Variants in HAUS6 observed in about 807,000 individuals in gnomAD.
HAUS6 encodes HAUS augmin-like complex subunit 6.
HAUS6 carries 80 observed loss-of-function variants against 106.8 expected under a neutral mutation model. That is an observed-to-expected ratio of 0.75 (90% CI 0.63 to 0.90). HAUS6 has a LOEUF of 0.90. HAUS6 is among the 40% of genes least tolerant of loss of function. The pLI is 0.00. For synonymous variants in HAUS6, 356 were observed against 379.1 expected (o/e 0.94, Z 0.71); for missense variants, 1,155 against 1,118.1 (o/e 1.03, Z -0.47).
At chr9:19,071,991 GT>G (rs1236039835) in intron 11 of HAUS6, among the ~76,000 whole-genome samples, 5 of 151,606 alleles carry the variant, frequency 3.3e-5, no homozygotes, top group African/African-American at 1.2e-4. Flanking sequence ...ATCACCTAAG[GT>G]CAGGAGTTTG....
In HAUS6 at chr9:19,058,700, C is replaced by G; in HGVS notation, c.2067G>C (p.Lys689Asn). 1.2e-6 allele frequency: 2 copies of G among 1,613,674 alleles called. No individual in the cohort carries two copies. Among genetic ancestry groups the G allele is most frequent in the African/African-American group, 2.7e-5 (2 of 74,986 alleles). ...CCAAATCTTGCTTGCAAATTACTTTCTTATTTAACAAATCTGACTGATTTT... is the reference window on the plus strand; with the variant it reads ...CCAAATCTTGCTTGCAAATTACTTTGTTATTTAACAAATCTGACTGATTTT... ...PTQNQSDLLNKKVICKQDLEC... is the reference protein window; with the variant it reads ...PTQNQSDLLNNKVICKQDLEC... The change falls in exon 16 of 17, where the codon AAG (lysine) becomes AAC (asparagine). Residue 689 changes from lysine to asparagine, a missense_variant. Transcript: ENST00000380502.
chr9:19,089,296 T>A, intron 5 of HAUS6, 116 bp downstream of exon 5: 1 of 663,492 alleles, frequency 1.5e-6, no homozygotes, highest in African/African-American at 1.8e-5. Context: ...GACTTTAAAA[T>A]AGAAAGATAA....
At chr9:19,076,144 G>C (rs1408705171) in intron 11 of HAUS6, among the ~76,000 whole-genome samples, 1 of 151,446 alleles carries the variant, frequency 6.6e-6, no homozygotes, top group African/African-American at 2.4e-5. Context: ...TCAATCATTT[G>C]AGCCCAGGAG....
At chr9:19,075,345 G>T (rs1442029047) in intron 11 of HAUS6, among the ~76,000 whole-genome samples, 1 of 152,170 alleles carries the variant, frequency 6.6e-6, no homozygotes, top group Non-Finnish European at 1.5e-5. Context: ...TTAGCAAAAA[G>T]CAAGAAATTG....
intron 2 of HAUS6, among the ~76,000 whole-genome samples, chr9:19,095,046 C>T (rs185821884): frequency 6.6e-6 from 1 of 151,248 alleles, no homozygotes; most frequent in Admixed American, 6.6e-5. Flanking sequence ...GTAAATTAAG[C>T]CTGAAAAGAA....
chr9:19,098,364 G>A (rs931899580), intron 1 of HAUS6, among the ~76,000 whole-genome samples: 3 of 151,264 alleles, frequency 2.0e-5, no homozygotes, highest in African/African-American at 7.3e-5. Flanking sequence ...CTTGAACCCA[G>A]GAGGCAGAGG....
intron 7 of HAUS6, among the ~76,000 whole-genome samples, chr9:19,083,883 G>A (rs1391606038): frequency 6.6e-6 from 1 of 151,464 alleles, no homozygotes; most frequent in East Asian, 1.9e-4. Flanking sequence ...GGAAGTTAAA[G>A]TGTAAAAAAT....
intron 2 of HAUS6, among the ~76,000 whole-genome samples, chr9:19,095,519 A>AT (rs1817843489): frequency 1.3e-5 from 2 of 151,610 alleles, no homozygotes. Context: ...AAAAAAAAAA[A>AT]TTAAAATCTG....
intron 16 of HAUS6, chr9:19,057,060 G>A (rs1836490644): frequency 6.6e-6 from 1 of 152,168 alleles, no homozygotes; most frequent in South Asian, 2.1e-4. Context: ...GAAGAGAACT[G>A]TGATTAACTC....
At chr9:19,077,227 T>G (rs1369745812) in intron 10 of HAUS6, among the ~76,000 whole-genome samples, 2 of 152,118 alleles carry the variant, frequency 1.3e-5, no homozygotes, top group Non-Finnish European at 2.9e-5. Flanking sequence ...TCATAGTACC[T>G]CACATCAAGA....
At chr9:19,098,395 G>C (rs973449343) in intron 1 of HAUS6, among the ~76,000 whole-genome samples, 27 of 142,532 alleles carry the variant, frequency 1.9e-4, no homozygotes, top group African/African-American at 6.5e-4. Context: ...CCAAGATCGC[G>C]CCACCGCACT....
chr9:19,069,410 C>T (rs1211273085), intron 12 of HAUS6, among the ~76,000 whole-genome samples: 3 of 152,044 alleles, frequency 2.0e-5, no homozygotes, highest in East Asian at 1.9e-4. Context: ...CAAAATTGGC[C>T]GGGTGCGGTG....
In HAUS6 at chr9:19,070,200, A is replaced by C. The variant is rs1836856957; in HGVS notation, c.1376+19T>G. Reference sequence around the variant, plus strand: ...AGAGTTTTTTAATGTTTAACAAAAGAAAATCAAATTTGTTTTACCTGTTGG... The same window carrying C: ...AGAGTTTTTTAATGTTTAACAAAAGCAAATCAAATTTGTTTTACCTGTTGG... On this transcript the variant is annotated intron_variant, in intron 12 of 16. Transcript: ENST00000380502. 1 of 1,381,486 alleles carries C rather than the reference A, an allele frequency of 7.2e-7. No individual in the cohort carries two copies. The allele number at this position is 1,381,486 out of a possible 1,614,324, so 85.6% of individuals were successfully genotyped here.
chr9:19,072,450 T>A (rs1177643112), intron 11 of HAUS6, among the ~76,000 whole-genome samples: 1 of 151,860 alleles, frequency 6.6e-6, no homozygotes, highest in Non-Finnish European at 1.5e-5. Context: ...GAGGCAGAGG[T>A]TGCAGTGAGC....
intron 12 of HAUS6, among the ~76,000 whole-genome samples, chr9:19,069,902 C>A (rs1836851707): frequency 6.6e-6 from 1 of 152,114 alleles, no homozygotes; most frequent in Admixed American, 6.6e-5. Context: ...TAAAGACTAG[C>A]CTCTGCAACC....
chr9:19,060,933 G>T (rs770173432), intron 14 of HAUS6, among the ~76,000 whole-genome samples: 1 of 151,924 alleles, frequency 6.6e-6, no homozygotes, highest in East Asian at 1.9e-4. Context: ...AGGCCGAGAC[G>T]GTCGGATCAC....
Position 19,081,097 on chromosome 9 carries a change from G to A in HAUS6, c.871-425C>T, listed in dbSNP as rs925216315. Among the ~76,000 whole-genome samples, 9 of 109,560 alleles carry A rather than the reference G, an allele frequency of 8.2e-5. No individual in the cohort carries two copies. In the East Asian group the frequency reaches 1.0e-3, roughly 13 times the overall value. The allele number at this position is 109,560 out of a possible 152,430, so 71.9% of individuals were successfully genotyped here. Reference sequence around the variant, plus strand: ...CAAACAAACAAACAAAAAAAAAAGCGGGGGGAAAAAAATCAAATACCCCCA... The same window carrying A: ...CAAACAAACAAACAAAAAAAAAAGCAGGGGGAAAAAAATCAAATACCCCCA... On this transcript the variant is annotated intron_variant, in intron 8 of 16. Coordinates refer to ENST00000380502, the MANE Select transcript of HAUS6 (RefSeq NM_017645.5).
rs1837127450 is a variant in HAUS6, at chr9:19,080,816, C to G, written c.871-144G>C. ...GACGCAACGGCTCACACCTGTAATCCCAGCACTCTGGGAGTTGGGGGTGGT... is the reference window on the plus strand; with the variant it reads ...GACGCAACGGCTCACACCTGTAATCGCAGCACTCTGGGAGTTGGGGGTGGT... On this transcript the variant is annotated intron_variant, in intron 8 of 16. Transcript: ENST00000380502. 1.9e-5 allele frequency: 11 copies of G among 586,510 alleles called. 2 individuals carry two copies. In the South Asian group the frequency reaches 2.4e-4, roughly 13 times the overall value. The allele number at this position is 586,510 out of a possible 1,614,324, so 36.3% of individuals were successfully genotyped here. A position where few individuals can be genotyped will look rare whatever the true frequency, so the allele number is the denominator to read the frequency against.
intron 4 of HAUS6, chr9:19,089,838 G>C (rs1817706969): frequency 5.1e-6 from 2 of 395,032 alleles, no homozygotes; most frequent in Non-Finnish European, 9.1e-6. Flanking sequence ...TTGGTATTTT[G>C]GGTTGTTTTT....
Sources: gnomAD v4.1 joint callset for allele counts (sites outside exome capture counted in the v4.1 genomes callset) on GRCh38, gnomAD v4.1.1 for gene constraint, MANE v1.5 for transcripts, NCBI Gene and HGNC (gene_info 2026-07-23, HGNC 2026-07-21) for gene names.